LMO1: variants seen among roughly 807,000 people sequenced by gnomAD.
LMO1 encodes rhombotin-1.
In LMO1, 10 loss-of-function variants were observed where a neutral mutation model predicts 18.0. The observed-to-expected ratio is 0.55, with a 90% CI of 0.34 to 0.94. The LOEUF is 0.94. LMO1 is among the 40% of genes least tolerant of loss of function. The probability of loss-of-function intolerance (pLI) is 0.02; values close to 1 mark genes in which losing one functional copy is unlikely to be tolerated. For missense variants in LMO1, 183 were observed against 205.7 expected, an observed-to-expected ratio of 0.89 and a Z score of 0.68; for synonymous variants, 77 against 77.9, an observed-to-expected ratio of 0.99 and a Z score of 0.06.
At chr11:8,253,056 C>T (rs1364070023) in intron 1 of LMO1, among the ~76,000 whole-genome samples, 1 of 152,206 alleles carries the variant, frequency 6.6e-6, no homozygotes, top group East Asian at 1.9e-4. Flanking sequence ...GAACTTCCTC[C>T]TAGAGCACAG....
intron 1 of LMO1, among the ~76,000 whole-genome samples, chr11:8,234,796 T>C (rs1182440453): frequency 6.6e-6 from 1 of 152,150 alleles, no homozygotes; most frequent in Non-Finnish European, 1.5e-5. Flanking sequence ...TGGATCTTGT[T>C]AGCTTGTGTC....
At chr11:8,235,785 G>A (rs1177724893) in intron 1 of LMO1, among the ~76,000 whole-genome samples, 1 of 152,132 alleles carries the variant, frequency 6.6e-6, no homozygotes, top group African/African-American at 2.4e-5. Flanking sequence ...TGTGTAATGG[G>A]TATGAAAACA....
chr11:8,230,224 T>A, intron 2 of LMO1, 67 bp downstream of exon 2: 1 of 1,451,620 alleles, frequency 6.9e-7, no homozygotes, highest in East Asian at 2.3e-5. Context: ...ACAGTCACGC[T>A]GGGGCTGAGG....
At chr11:8,232,293 G>GCC (rs1952678336) in intron 1 of LMO1, among the ~76,000 whole-genome samples, 2 of 152,222 alleles carry the variant, frequency 1.3e-5, no homozygotes, top group Non-Finnish European at 2.9e-5. Context: ...GGATGACTCT[G>GCC]TCCTCGGGCC....
At position 8,262,621 on chromosome 11, in the gene LMO1, A is replaced by G. The variant is rs1367791409; in HGVS notation, c.25+717T>C. Reference sequence around the variant, plus strand: ...GGCTCGACCACGGAAGGTCCGTGCCACTCTCGCAGGCCGCTCCCGCACAAG... The same window carrying G: ...GGCTCGACCACGGAAGGTCCGTGCCGCTCTCGCAGGCCGCTCCCGCACAAG... On this transcript the variant is annotated intron_variant, in intron 1 of 3. Coordinates refer to ENST00000335790, the MANE Select transcript of LMO1 (RefSeq NM_002315.3). Among the ~76,000 whole-genome samples the G allele has an allele frequency of 2.0e-5, 3 of 151,782 alleles. No homozygotes were observed. In the South Asian group the frequency reaches 6.2e-4, roughly 32 times the overall value.
chr11:8,253,901 T>C (rs1847046585), intron 1 of LMO1, among the ~76,000 whole-genome samples: 1 of 152,048 alleles, frequency 6.6e-6, no homozygotes, highest in Non-Finnish European at 1.5e-5. Context: ...AGTCATAAGT[T>C]ATCAGCACCC....
upstream of LMO1, chr11:8,263,903 T>G (rs1847233067): frequency 9.7e-7 from 1 of 1,027,442 alleles, no homozygotes; most frequent in African/African-American, 1.7e-5. Context: ...TGCTACTGCA[T>G]AAATGCACAC....
intron 1 of LMO1, among the ~76,000 whole-genome samples, chr11:8,235,024 C>A (rs138916533): frequency 2.0e-5 from 3 of 152,288 alleles, no homozygotes; most frequent in African/African-American, 7.2e-5. Flanking sequence ...CTGGGAGCCA[C>A]AGTGGTCTTT....
At chr11:8,265,971 C>T (rs1847256698), upstream of LMO1, among the ~76,000 whole-genome samples, 1 of 152,088 alleles carries the variant, frequency 6.6e-6, no homozygotes, top group Admixed American at 6.6e-5. Context: ...TGTCTGAATA[C>T]CAGCTCACCT....
At chr11:8,255,626 G>A (rs1185061903) in intron 1 of LMO1, among the ~76,000 whole-genome samples, 1 of 152,148 alleles carries the variant, frequency 6.6e-6, no homozygotes, top group Non-Finnish European at 1.5e-5. Flanking sequence ...CAACTGATCA[G>A]CCATCCTCCA....
At chr11:8,247,498 G>A (rs1227483352) in intron 1 of LMO1, among the ~76,000 whole-genome samples, 1 of 152,226 alleles carries the variant, frequency 6.6e-6, no homozygotes, top group Non-Finnish European at 1.5e-5. Flanking sequence ...AGGGGGAGCT[G>A]GGGCCACACT....
In LMO1 at chr11:8,230,477, T is replaced by C; in HGVS notation, c.53A>G (p.Lys18Arg). The C allele has an allele frequency of 6.2e-7, 1 of 1,613,404 alleles. No homozygotes were observed. Among genetic ancestry groups the C allele is most frequent in the Non-Finnish European group, 8.5e-7 (1 of 1,179,878 alleles). Residue 18 changes from lysine to arginine, a missense_variant, in exon 2 of 4, where the codon AAA (lysine) becomes AGA (arginine). By Grantham distance (26) the Lys-to-Arg change is conservative. Coordinates refer to ENST00000335790, the MANE Select transcript of LMO1 (RefSeq NM_002315.3). ...GCCCGCACAGCCCTTCTGCTTCCCT[T>C]TGGGCTGGACGGAGAGCATCGGCAC... ...DGVPMLSVQP[K>R]GKQKGCAGCN...
intron 1 of LMO1, among the ~76,000 whole-genome samples, chr11:8,250,143 T>C (rs1314012721): frequency 1.3e-5 from 2 of 152,194 alleles, no homozygotes; most frequent in Non-Finnish European, 1.5e-5. Context: ...TGGCTCACTG[T>C]AGATCTCACA....
intron 1 of LMO1, among the ~76,000 whole-genome samples, chr11:8,232,922 T>G (rs1952694507): frequency 6.6e-6 from 1 of 152,206 alleles, no homozygotes; most frequent in South Asian, 2.1e-4. Context: ...AGCATGTTTG[T>G]CCTGGCTCCC....
At chr11:8,228,340 C>A (rs1952586541) in intron 2 of LMO1, among the ~76,000 whole-genome samples, 1 of 152,264 alleles carries the variant, frequency 6.6e-6, no homozygotes, top group Admixed American at 6.5e-5. Context: ...GGCAAGGAGG[C>A]TGAGAAGAGG....
upstream of LMO1, chr11:8,263,958 C>T: frequency 1.2e-6 from 1 of 825,388 alleles, no homozygotes; most frequent in East Asian, 7.3e-5. Flanking sequence ...GGAGTGGAGA[C>T]GCACGGCTGT....
intron 1 of LMO1, among the ~76,000 whole-genome samples, chr11:8,244,205 G>C (rs1846850362): frequency 6.6e-6 from 1 of 152,186 alleles, no homozygotes; most frequent in Admixed American, 6.5e-5. Flanking sequence ...TCACATATAG[G>C]AGAGGAGGCA....
intron 3 of LMO1, among the ~76,000 whole-genome samples, chr11:8,226,136 T>C (rs914226873): frequency 9.2e-5 from 14 of 152,106 alleles, no homozygotes; most frequent in African/African-American, 3.4e-4. Flanking sequence ...TGCACACACA[T>C]GCACATACTA....
At chr11:8,263,975 C>A, upstream of LMO1, 1 of 637,830 alleles carries the variant, frequency 1.6e-6, no homozygotes, top group Non-Finnish European at 2.0e-6. Flanking sequence ...CTGTCCGGCT[C>A]CGCAGCGCCA....
Sources: gnomAD v4.1 joint callset for allele counts (sites outside exome capture counted in the v4.1 genomes callset) on GRCh38, gnomAD v4.1.1 for gene constraint, MANE v1.5 for transcripts, NCBI Gene and HGNC (gene_info 2026-07-23, HGNC 2026-07-21) for gene names.